ALG12: variants seen among roughly 807,000 people sequenced by gnomAD.
The protein encoded by ALG12 is ALG12 alpha-1,6-mannosyltransferase.
In ALG12, 36 loss-of-function variants were observed where a neutral mutation model predicts 46.0. That is an observed-to-expected ratio of 0.78 (90% CI 0.60 to 1.03). The LOEUF is 1.03. Ranked by LOEUF, ALG12 falls within the 50% of genes least tolerant of loss-of-function variation. The pLI is 0.00. For missense variants in ALG12, 599 were observed against 633.5 expected (o/e 0.95, Z 0.58); for synonymous variants, 326 against 291.6 (o/e 1.12, Z -1.20).
At chr22:49,861,044 G>A in the ALG12 span, among the ~76,000 whole-genome samples, 1 of 152,028 alleles carries the variant, frequency 6.6e-6, no homozygotes, top group Admixed American at 6.6e-5. Context: ...CCAAAGTGCT[G>A]GGATAATGGG....
At chr22:49,898,731 G>A (rs1252161662), downstream of ALG12, among the ~76,000 whole-genome samples, 3 of 152,048 alleles carry the variant, frequency 2.0e-5, no homozygotes, top group African/African-American at 7.3e-5. Flanking sequence ...GCAATTCAGT[G>A]GTGAAAAGAC....
At position 49,903,595 on chromosome 22, in the gene ALG12, TCACCCTGGGCAGTGG is replaced by T. The variant is rs947150334; in HGVS notation, c.*228_*242del. The T allele has an allele frequency of 1.5e-6, 1 of 675,664 alleles. No homozygotes were observed. The highest frequency in any genetic ancestry group is 2.7e-6 in the Non-Finnish European group (1 of 368,306). 41.9% of individuals were successfully genotyped at this position (675,664 alleles called of 1,614,324 possible). A position where few individuals can be genotyped will look rare whatever the true frequency, so the allele number is the denominator to read the frequency against. ...GCAGGAAGCCCTGAGCTGGCCACCA[TCACCCTGGGCAGTGG>T]CTCCCGGGGTGCCAACAAGACCTGG... is the stretch of plus-strand genomic sequence containing the variant. On this transcript the variant is annotated 3_prime_UTR_variant, in exon 10 of 10. Coordinates refer to ENST00000330817, the MANE Select transcript of ALG12 (RefSeq NM_024105.4).
At chr22:49,887,935 C>T in the ALG12 span, 1 of 167,254 alleles carries the variant, frequency 6.0e-6, no homozygotes, top group Non-Finnish European at 1.5e-5. Context: ...TTCAATGACA[C>T]GCTGATGGCA....
At chr22:49,908,073 G>A (rs1258197949) in intron 6 of ALG12, 129 bp from the exon 7 acceptor site, 1 of 916,936 alleles carries the variant, frequency 1.1e-6, no homozygotes, top group Non-Finnish European at 1.7e-6. Flanking sequence ...CACGGCTCGT[G>A]TGCACAGACA....
At chr22:49,886,927 CTGGAGGAGGAG>C in the ALG12 span, 1 of 1,614,088 alleles carries the variant, frequency 6.2e-7, no homozygotes, top group Non-Finnish European at 8.5e-7. The surrounding 1 kb of genome is among the most constrained non-coding windows in gnomAD (Gnocchi z 7.7). Context: ...GCTTGCGTAT[CTGGAGGAGGAG>C]GTGCTTGAAC....
At chr22:49,910,404 G>C (rs1372039110) in intron 4 of ALG12, 30 bp downstream of exon 4, 1 of 1,609,692 alleles carries the variant, frequency 6.2e-7, no homozygotes, top group Admixed American at 1.7e-5. Flanking sequence ...CGGCACCATG[G>C]GTGTGCAGGC....
At chr22:49,915,327 G>A (rs1187415503) in intron 1 of ALG12, among the ~76,000 whole-genome samples, 7 of 152,180 alleles carry the variant, frequency 4.6e-5, no homozygotes, top group Admixed American at 4.6e-4. Context: ...GGGAGGCTGA[G>A]GTGGGTGGAT....
At chr22:49,868,861 C>T in the ALG12 span, among the ~76,000 whole-genome samples, 6 of 151,668 alleles carry the variant, frequency 4.0e-5, no homozygotes, top group East Asian at 1.2e-3. Flanking sequence ...CCTGTAATCC[C>T]AGCACTTTGG....
chr22:49,884,465 A>G, the ALG12 span: 1 of 1,614,240 alleles, frequency 6.2e-7, no homozygotes. Flanking sequence ...GAACCTGCAG[A>G]GAACTTAGCG....
chr22:49,909,074 C>T (rs569861601), intron 6 of ALG12, among the ~76,000 whole-genome samples, 170 bp downstream of exon 6: 4 of 152,322 alleles, frequency 2.6e-5, no homozygotes, highest in African/African-American at 9.6e-5. Context: ...AGGACCTCAC[C>T]TCCCATGGCC....
intron 7 of ALG12, among the ~76,000 whole-genome samples, chr22:49,907,164 C>T (rs746537317): frequency 1.3e-5 from 2 of 152,166 alleles, no homozygotes; most frequent in African/African-American, 2.4e-5. Context: ...CCCTCAAGCC[C>T]GAGGCCCTGT....
the ALG12 span, among the ~76,000 whole-genome samples, chr22:49,875,424 T>TTC: frequency 6.6e-6 from 1 of 151,042 alleles, no homozygotes; most frequent in Non-Finnish European, 1.5e-5. Context: ...TTTTCTTTTT[T>TTC]TTTTTCTTTT....
At chr22:49,891,811 T>C in the ALG12 span, among the ~76,000 whole-genome samples, 2 of 152,180 alleles carry the variant, frequency 1.3e-5, no homozygotes, top group South Asian at 2.1e-4. Context: ...TGTCATAATA[T>C]GCATTTTCCA....
In ALG12 at chr22:49,903,950, GC is replaced by G; in HGVS notation, c.1354del (p.Ala452ProfsTer9). The G allele has an allele frequency of 6.2e-7, 1 of 1,614,226 alleles. No homozygotes were observed. The highest frequency in any genetic ancestry group is 8.5e-7 in the Non-Finnish European group (1 of 1,180,018). On this transcript the variant is annotated frameshift_variant, in exon 10 of 10. Transcript: ENST00000330817. LOFTEE classifies it low-confidence loss of function (END_TRUNC). ...ALYRDTHRVLASVVGTTGVSL... is the reference protein window; with the variant it reads ...ALYRDTHRVLXSVVGTTGVSL... Reference sequence around the variant, plus strand: ...CACACCTGTGGTCCCCACGACGCTGGCCAGGACCCGGTGTGTGTCCCTGTAG... The same window carrying G: ...CACACCTGTGGTCCCCACGACGCTGGCAGGACCCGGTGTGTGTCCCTGTAG...
At chr22:49,907,608 G>A (rs1428934196) in intron 7 of ALG12, 113 bp downstream of exon 7, 2 of 1,249,370 alleles carry the variant, frequency 1.6e-6, no homozygotes, top group East Asian at 2.5e-5. Flanking sequence ...CTGGGCGACA[G>A]AGCAAGACCC....
chr22:49,892,505 C>G, the ALG12 span, among the ~76,000 whole-genome samples: 1 of 152,214 alleles, frequency 6.6e-6, no homozygotes, highest in African/African-American at 2.4e-5. Flanking sequence ...GGTGCCTATT[C>G]CTGGTTGCTG....
At chr22:49,878,122 T>C in the ALG12 span, among the ~76,000 whole-genome samples, 1 of 152,042 alleles carries the variant, frequency 6.6e-6, no homozygotes, top group Admixed American at 6.6e-5. Context: ...CTGGCCAACG[T>C]GGTGAAACAC....
chr22:49,864,601 G>C, the ALG12 span, among the ~76,000 whole-genome samples: 1 of 152,118 alleles, frequency 6.6e-6, no homozygotes, highest in Non-Finnish European at 1.5e-5. Flanking sequence ...AGGATCACTT[G>C]AGCCTGGGAG....
the ALG12 span, chr22:49,886,244 A>G: frequency 3.8e-6 from 4 of 1,043,072 alleles, no homozygotes; most frequent in African/African-American, 1.6e-5. This position sits in a 1 kb window ranked among gnomAD's most constrained non-coding sequence, Gnocchi z 7.7. Flanking sequence ...GAGCGGGTGC[A>G]CCGGTCGCCC....
Sources: allele counts gnomAD v4.1 joint callset (sites outside exome capture counted in the v4.1 genomes callset), GRCh38; gene constraint gnomAD v4.1.1; non-coding constraint Gnocchi (gnomAD v3.1); transcripts MANE v1.5; gene names NCBI Gene and HGNC (gene_info 2026-07-23, HGNC 2026-07-21).